Variants in BMAL2 observed in about 807,000 individuals in gnomAD.
The protein encoded by BMAL2 is basic helix-loop-helix ARNT like 2, also known as basic helix-loop-helix ARNT-like protein 2.
chr12:27,340,850 T>C, the BMAL2 span, among the ~76,000 whole-genome samples: 3 of 152,218 alleles, frequency 2.0e-5, no homozygotes, highest in Non-Finnish European at 4.4e-5. Context: ...TTCCTATGTA[T>C]TTTATTCTTT....
chr12:27,378,811 AGAT>A, the BMAL2 span, among the ~76,000 whole-genome samples: 2 of 152,218 alleles, frequency 1.3e-5, no homozygotes, highest in East Asian at 3.8e-4. Context: ...GCCTAAATTA[AGAT>A]GATGACAGAG....
chr12:27,390,325 A>G, the BMAL2 span: 2 of 1,383,486 alleles, frequency 1.4e-6, no homozygotes, highest in African/African-American at 1.5e-5. Flanking sequence ...AATAAAATAT[A>G]TGGTCAAGGG....
At chr12:27,398,334 C>T in the BMAL2 span, among the ~76,000 whole-genome samples, 1 of 152,162 alleles carries the variant, frequency 6.6e-6, no homozygotes, top group Non-Finnish European at 1.5e-5. Flanking sequence ...CCCCCACACA[C>T]ATTTGGGAAC....
the BMAL2 span, among the ~76,000 whole-genome samples, chr12:27,338,564 T>G: frequency 6.6e-6 from 1 of 152,148 alleles, no homozygotes; most frequent in Admixed American, 6.5e-5. Context: ...GAATTGATGT[T>G]AGTATCCTTT....
At chr12:27,376,270 T>G in the BMAL2 span, 4 of 1,310,038 alleles carry the variant, frequency 3.1e-6, no homozygotes, top group Non-Finnish European at 4.4e-6. Context: ...GGACTTAATC[T>G]CACATCTATT....
chr12:27,423,133 TC>T, the BMAL2 span: 1 of 152,216 alleles, frequency 6.6e-6, no homozygotes, highest in Non-Finnish European at 1.5e-5. Context: ...GGTTTGTGTT[TC>T]CTTCAAAATG....
chr12:27,352,701 C>G, the BMAL2 span, among the ~76,000 whole-genome samples: 1 of 152,202 alleles, frequency 6.6e-6, no homozygotes, highest in Non-Finnish European at 1.5e-5. Flanking sequence ...ACCCTGAAGG[C>G]TCTGCTAAAA....
chr12:27,361,710 G>A, the BMAL2 span, among the ~76,000 whole-genome samples: 1 of 152,092 alleles, frequency 6.6e-6, no homozygotes, highest in African/African-American at 2.4e-5. Context: ...ATAAGAATCT[G>A]CAACATGGAG....
the BMAL2 span, among the ~76,000 whole-genome samples, chr12:27,337,546 C>T: frequency 6.6e-6 from 1 of 152,172 alleles, no homozygotes; most frequent in South Asian, 2.1e-4. Flanking sequence ...ATACCCCTGC[C>T]CTCCCTCTAG....
At chr12:27,386,307 C>G in the BMAL2 span, among the ~76,000 whole-genome samples, 1 of 152,112 alleles carries the variant, frequency 6.6e-6, no homozygotes, top group East Asian at 1.9e-4. Flanking sequence ...TGTACATGCT[C>G]GTCAGTCGTA....
At chr12:27,345,969 T>C in the BMAL2 span, among the ~76,000 whole-genome samples, 1 of 152,216 alleles carries the variant, frequency 6.6e-6, no homozygotes, top group Non-Finnish European at 1.5e-5. Flanking sequence ...AAGGGAATAA[T>C]TATAGTTGAA....
chr12:27,378,441 G>A, the BMAL2 span, among the ~76,000 whole-genome samples: 1,131 of 152,314 alleles, frequency 7.4e-3, 15 homozygotes, highest in African/African-American at 0.026. Flanking sequence ...TTCTCCAACA[G>A]TATAGTCAGA....
the BMAL2 span, among the ~76,000 whole-genome samples, chr12:27,392,592 C>T: frequency 9.9e-5 from 13 of 131,832 alleles, no homozygotes; most frequent in East Asian, 3.3e-3. Flanking sequence ...CAGAGGTGAA[C>T]CAACACTGTG....
the BMAL2 span, among the ~76,000 whole-genome samples, chr12:27,408,586 A>G: frequency 1.3e-5 from 2 of 152,226 alleles, no homozygotes; most frequent in Non-Finnish European, 2.9e-5. Flanking sequence ...TATTGATGGG[A>G]CATATCTCAA....
At chr12:27,388,333 T>C in the BMAL2 span, among the ~76,000 whole-genome samples, 1 of 152,208 alleles carries the variant, frequency 6.6e-6, no homozygotes, top group Non-Finnish European at 1.5e-5. Flanking sequence ...TATAGACTTA[T>C]ATTAACCACA....
chr12:27,367,635 T>C, the BMAL2 span, among the ~76,000 whole-genome samples: 1 of 152,290 alleles, frequency 6.6e-6, no homozygotes, highest in Non-Finnish European at 1.5e-5. Flanking sequence ...AAATTTCTTT[T>C]ACAATATAGG....
At chr12:27,420,760 T>C in the BMAL2 span, 1 of 394,320 alleles carries the variant, frequency 2.5e-6, no homozygotes, top group Non-Finnish European at 4.3e-6. Context: ...AAATGGCTTA[T>C]AATCCACTAG....
At chr12:27,387,529 C>T in the BMAL2 span, among the ~76,000 whole-genome samples, 1 of 152,150 alleles carries the variant, frequency 6.6e-6, no homozygotes, top group African/African-American at 2.4e-5. Context: ...CAGCAAGTTA[C>T]TTAATTTTAC....
chr12:27,356,273 G>A, the BMAL2 span, among the ~76,000 whole-genome samples: 1 of 152,118 alleles, frequency 6.6e-6, no homozygotes, highest in Non-Finnish European at 1.5e-5. Flanking sequence ...GATTTGCTAG[G>A]AGGGAGAACA....
Sources: gnomAD v4.1 joint callset for allele counts (sites outside exome capture counted in the v4.1 genomes callset) on GRCh38, gnomAD v4.1.1 for gene constraint, MANE v1.5 for transcripts, NCBI Gene and HGNC (gene_info 2026-07-23, HGNC 2026-07-21) for gene names.